The following PRCD variants were observed in gnomAD, a reference collection of about 807,000 sequenced individuals.
PRCD encodes photoreceptor disk component PRCD.
A neutral mutation model predicts 10.1 loss-of-function variants in PRCD; 12 were observed. That is an observed-to-expected ratio of 1.18 (90% CI 0.76 to 1.92). The LOEUF (loss-of-function observed/expected upper bound fraction) is 1.92, where lower values mean the gene tolerates loss of function less well. PRCD is among the 40% of genes most tolerant of loss of function. The pLI, the probability that PRCD is intolerant of heterozygous loss-of-function variation, is 0.00. For missense variants in PRCD, 61 were observed against 72.2 expected (o/e 0.84, Z 0.56); for synonymous variants, 31 against 26.2 (o/e 1.18, Z -0.56).
chr17:76,548,735 G>C (rs961359246), downstream of PRCD, among the ~76,000 whole-genome samples: 1 of 152,258 alleles, frequency 6.6e-6, no homozygotes, highest in Non-Finnish European at 1.5e-5. Context: ...CAACTGTAAT[G>C]AACTGTGTCT....
chr17:76,531,292 T>A lies in PRCD; in HGVS notation n.45+3459T>A. 1 of 1,210,532 alleles carries A rather than the reference T, an allele frequency of 8.3e-7. No homozygotes were observed. Among genetic ancestry groups the A allele is most frequent in the South Asian group, 1.5e-5 (1 of 67,550 alleles). 75.0% of individuals were successfully genotyped at this position (1,210,532 alleles called of 1,614,324 possible). On this transcript the variant is annotated intron_variant and non_coding_transcript_variant, in intron 1 of 4. Coordinates refer to the PRCD transcript ENST00000397633. The surrounding 1 kb of genome is among the most constrained non-coding windows in gnomAD (Gnocchi z 7.4). ...GAACCCCGTGCTCTCAGGACAAGGGTTGCCCTGGACCCAGCCCCTCCATCC... is the reference window on the plus strand; with the variant it reads ...GAACCCCGTGCTCTCAGGACAAGGGATGCCCTGGACCCAGCCCCTCCATCC...
At chr17:76,532,630 C>T (rs1040620699) in intron 1 of PRCD, among the ~76,000 whole-genome samples, 2 of 148,396 alleles carry the variant, frequency 1.3e-5, no homozygotes. Flanking sequence ...CTCCTGGGTT[C>T]AAGTGATTCT....
At chr17:76,553,332 G>T (rs1033261554) in exon 2 of PRCD, 1 of 152,304 alleles carries the variant, frequency 6.6e-6, no homozygotes, top group Admixed American at 6.5e-5. Context: ...ATCAAGGTTT[G>T]CCCCTGGGGG....
At chr17:76,548,573 T>C (rs1387874137), downstream of PRCD, among the ~76,000 whole-genome samples, 2 of 152,202 alleles carry the variant, frequency 1.3e-5, no homozygotes, top group Non-Finnish European at 2.9e-5. Context: ...TGGACCTCGG[T>C]TTCCTCATTT....
intron 1 of PRCD, chr17:76,551,911 T>TC (rs1555625795): frequency 6.7e-6 from 1 of 150,372 alleles, no homozygotes; most frequent in African/African-American, 2.5e-5. Flanking sequence ...AATGGGAAGG[T>TC]GGGGGGGTGG....
chr17:76,542,408 C>T, intron 2 of PRCD, 145 bp from the exon 3 acceptor site: 1 of 929,208 alleles, frequency 1.1e-6, no homozygotes, highest in Non-Finnish European at 1.8e-6. Context: ...GTCACACTGT[C>T]CTAAATGCCA....
chr17:76,530,616 G>C lies in PRCD; in HGVS notation n.45+2783G>C, dbSNP rs1051201453. Among the ~76,000 whole-genome samples, 2 of 152,200 alleles carry C rather than the reference G, an allele frequency of 1.3e-5. No individual in the cohort carries two copies. The highest frequency in any genetic ancestry group is 2.9e-5 in the Non-Finnish European group (2 of 68,032). ...CACCCAGGGAGGAAGTGGCTGGGCT[G>C]ACCTGGGCTGCCTCCGAGCCTGATG... is the stretch of plus-strand genomic sequence containing the variant. On this transcript the variant is annotated intron_variant and non_coding_transcript_variant, in intron 1 of 4. Transcript: ENST00000397633. This position sits in a 1 kb window ranked among gnomAD's most constrained non-coding sequence, Gnocchi z 6.1.
Position 76,531,948 on chromosome 17 carries a change from T to G in PRCD, n.45+4115T>G. ...CGGCTTCATCTCCTAGGCCTCTGTC[T>G]TCCTCGCTTCTTGCTTCCTTCCCAA... On this transcript the variant is annotated intron_variant and non_coding_transcript_variant, in intron 1 of 4. Transcript: ENST00000397633. This position sits in a 1 kb window ranked among gnomAD's most constrained non-coding sequence, Gnocchi z 7.4. 1 of 393,460 alleles carries G rather than the reference T, an allele frequency of 2.5e-6. No individual in the cohort carries two copies. The highest frequency in any genetic ancestry group is 4.7e-6 in the Non-Finnish European group (1 of 214,784). The allele number at this position is 393,460 out of a possible 1,614,324, so 24.4% of individuals were successfully genotyped here.
In PRCD at chr17:76,552,582, G is replaced by A. The variant is rs562427902; in HGVS notation, n.84-527G>A. 1.6e-4 allele frequency among the ~76,000 whole-genome samples: 24 copies of A among 151,988 alleles called. No homozygotes were observed. In the South Asian group the frequency reaches 4.6e-3, roughly 29 times the overall value. Reference sequence around the variant, plus strand: ...CCTGCATTTTAGAATATGAAAATGCGACCAGCTGTGATGGCTCATGCTTGT... The same window carrying A: ...CCTGCATTTTAGAATATGAAAATGCAACCAGCTGTGATGGCTCATGCTTGT... On this transcript the variant is annotated intron_variant and non_coding_transcript_variant, in intron 1 of 1. Coordinates refer to the PRCD transcript ENST00000587063.
chr17:76,542,405 T>C (rs769136755), intron 2 of PRCD, 148 bp from the exon 3 acceptor site: 28 of 898,118 alleles, frequency 3.1e-5, no homozygotes, highest in Non-Finnish European at 3.2e-5. Flanking sequence ...CCAGTCACAC[T>C]GTCCTAAATG....
chr17:76,536,729 G>C (rs748477674), upstream of PRCD, among the ~76,000 whole-genome samples: 1 of 152,130 alleles, frequency 6.6e-6, no homozygotes, highest in Non-Finnish European at 1.5e-5. Flanking sequence ...GTTAGGCCCT[G>C]TCTCCTGAAG....
In PRCD at chr17:76,544,225, T is replaced by G. The variant is rs2075027299; in HGVS notation, c.*575T>G. ...TGCCTCTGTGCACACGCGTCTCTCC[T>G]CCCCAGCCAGCCCCCCTCCCAGCCC... On this transcript the variant is annotated 3_prime_UTR_variant, in exon 5 of 5. Transcript: ENST00000592014. 1 of 454,348 alleles carries G rather than the reference T, an allele frequency of 2.2e-6. No homozygotes were observed. The highest frequency in any genetic ancestry group is 6.9e-4 in the Middle Eastern group (1 of 1,444). 28.1% of individuals were successfully genotyped at this position (454,348 alleles called of 1,614,324 possible).
upstream of PRCD, chr17:76,539,993 C>G (rs1294440781): frequency 1.3e-6 from 1 of 789,858 alleles, no homozygotes; most frequent in Non-Finnish European, 2.1e-6. Context: ...GGCCGCTGAC[C>G]CACTAATCAG....
chr17:76,538,432 C>T (rs1450526719), upstream of PRCD: 2 of 457,188 alleles, frequency 4.4e-6, no homozygotes, highest in African/African-American at 2.0e-5. Context: ...TTCCGCCCAG[C>T]ACCTCCATGC....
At chr17:76,553,534 GTTC>G (rs2075130778) in exon 2 of PRCD, 1 of 152,180 alleles carries the variant, frequency 6.6e-6, no homozygotes, top group Non-Finnish European at 1.5e-5. Flanking sequence ...CTTCTTTTGT[GTTC>G]TTATTAATAA....
intron 2 of PRCD, among the ~76,000 whole-genome samples, chr17:76,542,009 T>C (rs2074997620): frequency 6.6e-6 from 1 of 152,168 alleles, no homozygotes; most frequent in South Asian, 2.1e-4. Flanking sequence ...ATTAAGTCAC[T>C]CGGGAGGCTC....
At chr17:76,537,671 G>C, upstream of PRCD, 1 of 855,892 alleles carries the variant, frequency 1.2e-6, no homozygotes, top group Non-Finnish European at 1.4e-6. Flanking sequence ...AGAGCGCGGA[G>C]GGAGGGAGCG....
chr17:76,541,003 T>C (rs1028998710), intron 2 of PRCD, among the ~76,000 whole-genome samples: 1 of 152,138 alleles, frequency 6.6e-6, no homozygotes, highest in Non-Finnish European at 1.5e-5. Flanking sequence ...CAGTCCCCAA[T>C]AGAAGGCGCG....
At chr17:76,549,063 A>T (rs747632787), downstream of PRCD, among the ~76,000 whole-genome samples, 13 of 152,234 alleles carry the variant, frequency 8.5e-5, no homozygotes, top group African/African-American at 1.2e-4. Flanking sequence ...AGGCAATCCA[A>T]TGGAGAAAGA....
Sources: gnomAD v4.1 joint callset for allele counts (sites outside exome capture counted in the v4.1 genomes callset) on GRCh38, gnomAD v4.1.1 for gene constraint, Gnocchi (gnomAD v3.1) non-coding constraint, MANE v1.5 for transcripts, NCBI Gene and HGNC (gene_info 2026-07-23, HGNC 2026-07-21) for gene names.